Variants in MAPK4 observed in about 807,000 individuals in gnomAD.
MAPK4 encodes the protein Erk3-related.
MAPK4 carries 22 observed loss-of-function variants against 47.7 expected under a neutral mutation model. The observed-to-expected ratio is 0.46, with a 90% CI of 0.33 to 0.66. MAPK4 has a LOEUF of 0.66. MAPK4 is among the 30% of genes least tolerant of loss of function. MAPK4 has a pLI of 0.02. For missense variants in MAPK4, 736 were observed against 831.7 expected, an observed-to-expected ratio of 0.88 and a Z score of 1.42; for synonymous variants, 390 against 365.7, an observed-to-expected ratio of 1.07 and a Z score of -0.76.
chr18:50,691,570 C>T (rs956093068), intron 2 of MAPK4, among the ~76,000 whole-genome samples: 4 of 152,176 alleles, frequency 2.6e-5, no homozygotes, highest in Admixed American at 1.3e-4. Context: ...TACTCTGTGT[C>T]GATACAGTTC....
At chr18:50,620,329 T>A (rs1211044190) in intron 1 of MAPK4, among the ~76,000 whole-genome samples, 1 of 152,228 alleles carries the variant, frequency 6.6e-6, no homozygotes, top group South Asian at 2.1e-4. Context: ...CCAGTGTTCT[T>A]TCCAGAAGGC....
chr18:50,572,432 A>G (rs1280983432), intron 1 of MAPK4, among the ~76,000 whole-genome samples: 3 of 152,234 alleles, frequency 2.0e-5, no homozygotes, highest in Admixed American at 6.5e-5. Flanking sequence ...GCATGATTCC[A>G]AAGTGATAAT....
chr18:50,724,132 C>A (rs1022102724), intron 4 of MAPK4, among the ~76,000 whole-genome samples: 3 of 152,134 alleles, frequency 2.0e-5, no homozygotes, highest in Non-Finnish European at 4.4e-5. Flanking sequence ...CCACCTCAGC[C>A]TCCCGAGTAG....
chr18:50,687,891 T>A (rs1445918322), intron 2 of MAPK4, among the ~76,000 whole-genome samples: 1 of 152,038 alleles, frequency 6.6e-6, no homozygotes, highest in South Asian at 2.1e-4. Flanking sequence ...TAATTTCAGG[T>A]GTCTCCTGGG....
intron 1 of MAPK4, among the ~76,000 whole-genome samples, chr18:50,645,350 C>G (rs895394840): frequency 5.9e-5 from 9 of 152,002 alleles, no homozygotes; most frequent in African/African-American, 2.2e-4. Context: ...AAGAGGTGAA[C>G]GCCAACGTGC....
At chr18:50,727,057 C>T (rs960274938) in intron 5 of MAPK4, among the ~76,000 whole-genome samples, 4 of 152,204 alleles carry the variant, frequency 2.6e-5, no homozygotes, top group Non-Finnish European at 4.4e-5. Flanking sequence ...GAATCCTCAA[C>T]AGGTGTCCCT....
At position 50,560,104 on chromosome 18, in the gene MAPK4, A is replaced by C. The variant is rs1406359286; in HGVS notation, c.-1010A>C. 1 of 148,768 alleles carries C rather than the reference A, an allele frequency of 6.7e-6. No homozygotes were observed. Among genetic ancestry groups the C allele is most frequent in the Non-Finnish European group, 1.5e-5 (1 of 66,628 alleles). 9.2% of individuals were successfully genotyped at this position (148,768 alleles called of 1,614,324 possible). ...CGGGAGCCGGAGCCCGAGCTGGAGCAGCGAGCCGGGCTGTCGGGGCGACCG... is the reference window on the plus strand; with the variant it reads ...CGGGAGCCGGAGCCCGAGCTGGAGCCGCGAGCCGGGCTGTCGGGGCGACCG... On this transcript the variant is annotated 5_prime_UTR_variant, in exon 1 of 6. Transcript: ENST00000400384.
intron 1 of MAPK4, among the ~76,000 whole-genome samples, chr18:50,580,229 G>A (rs1238242482): frequency 6.6e-6 from 1 of 152,168 alleles, no homozygotes. Flanking sequence ...GACCAGTGTT[G>A]GCAAACGGTC....
chr18:50,561,809 T>C (rs1046197320), intron 1 of MAPK4, among the ~76,000 whole-genome samples: 3 of 152,212 alleles, frequency 2.0e-5, no homozygotes, highest in African/African-American at 4.8e-5. Context: ...AAAGGCTTGC[T>C]CTGGAACCTC....
intron 1 of MAPK4, among the ~76,000 whole-genome samples, chr18:50,578,200 CGAGCG>C (rs1555644983): frequency 1.3e-5 from 2 of 152,146 alleles, no homozygotes; most frequent in Non-Finnish European, 2.9e-5. Flanking sequence ...TTTTAAACTG[CGAGCG>C]CTCAGCTATC....
At position 50,675,085 on chromosome 18, in the gene MAPK4, G is replaced by A. The variant is rs1255987125; in HGVS notation, c.546+10581G>A. Reference sequence around the variant, plus strand: ...CTAAATCCTCATAACAACCTAATAGGTGCTGTTGTTGCCCCCATTGTCTAG... The same window carrying A: ...CTAAATCCTCATAACAACCTAATAGATGCTGTTGTTGCCCCCATTGTCTAG... On this transcript the variant is annotated intron_variant, in intron 2 of 5. Coordinates refer to ENST00000400384, the MANE Select transcript of MAPK4 (RefSeq NM_002747.4). 2.0e-5 allele frequency among the ~76,000 whole-genome samples: 3 copies of A among 152,144 alleles called. No homozygotes were observed. In the East Asian group the frequency reaches 5.8e-4, roughly 29 times the overall value.
At chr18:50,598,301 A>G (rs1454875608) in intron 1 of MAPK4, among the ~76,000 whole-genome samples, 1 of 152,230 alleles carries the variant, frequency 6.6e-6, no homozygotes, top group Non-Finnish European at 1.5e-5. Flanking sequence ...TTACAACAGG[A>G]GAAGAATCCC....
At chr18:50,590,448 G>T (rs988664208) in intron 1 of MAPK4, among the ~76,000 whole-genome samples, 2 of 152,184 alleles carry the variant, frequency 1.3e-5, no homozygotes, top group African/African-American at 4.8e-5. Context: ...TCCAGCAGGA[G>T]CTCAGCTGCT....
At chr18:50,626,850 A>G (rs1241604126) in intron 1 of MAPK4, among the ~76,000 whole-genome samples, 2 of 152,116 alleles carry the variant, frequency 1.3e-5, no homozygotes, top group Non-Finnish European at 2.9e-5. Context: ...TTGCGCTTGC[A>G]CGTGGTGTCA....
intron 2 of MAPK4, among the ~76,000 whole-genome samples, chr18:50,701,704 G>C (rs1466442915): frequency 6.6e-6 from 1 of 152,132 alleles, no homozygotes; most frequent in Admixed American, 6.5e-5. Flanking sequence ...TGGTTAATGA[G>C]TGTCGTTAAT....
chr18:50,683,574 GT>G (rs757967532), intron 2 of MAPK4, among the ~76,000 whole-genome samples: 11 of 150,622 alleles, frequency 7.3e-5, no homozygotes, highest in Non-Finnish European at 1.2e-4. Flanking sequence ...AAATAAATAC[GT>G]TTATTCAATT....
chr18:50,643,734 T>C (rs1360629284), intron 1 of MAPK4, among the ~76,000 whole-genome samples: 1 of 152,140 alleles, frequency 6.6e-6, no homozygotes, highest in Non-Finnish European at 1.5e-5. Context: ...AGTAATCCCA[T>C]GGTTTTAGCC....
At chr18:50,653,115 C>T (rs1476776946) in intron 1 of MAPK4, among the ~76,000 whole-genome samples, 6 of 151,632 alleles carry the variant, frequency 4.0e-5, no homozygotes, top group African/African-American at 1.2e-4. Context: ...CTTAAGCCCA[C>T]GAGTTTGAGG....
chr18:50,691,000 C>CT (rs949060989), intron 2 of MAPK4, among the ~76,000 whole-genome samples: 4 of 149,634 alleles, frequency 2.7e-5, no homozygotes, highest in African/African-American at 9.9e-5. Context: ...AAATTTGCCT[C>CT]TTTTTATTTT....
Sources: gnomAD v4.1 joint callset for allele counts (sites outside exome capture counted in the v4.1 genomes callset) on GRCh38, gnomAD v4.1.1 for gene constraint, MANE v1.5 for transcripts, NCBI Gene and HGNC (gene_info 2026-07-23, HGNC 2026-07-21) for gene names.